PRR16: variants seen among roughly 807,000 people sequenced by gnomAD.
PRR16 encodes the protein protein Largen.
In PRR16, 6 loss-of-function variants were observed where a neutral mutation model predicts 18.2. The ratio of observed to expected loss-of-function variants is 0.33; its 90% confidence interval spans 0.18 to 0.65. PRR16 has a LOEUF of 0.65. Ranked by LOEUF, PRR16 falls within the 30% of genes least tolerant of loss-of-function variation. The pLI is 0.74. For missense variants in PRR16, 412 were observed against 376.6 expected, an observed-to-expected ratio of 1.09 and a Z score of -0.78; for synonymous variants, 151 against 147.8, an observed-to-expected ratio of 1.02 and a Z score of -0.16.
intron 1 of PRR16, among the ~76,000 whole-genome samples, chr5:120,515,916 G>C (rs1750974174): frequency 6.6e-6 from 1 of 152,100 alleles, no homozygotes; most frequent in Admixed American, 6.5e-5. Context: ...CTTTCTTCAA[G>C]AATCTCTTGT....
intron 1 of PRR16, among the ~76,000 whole-genome samples, chr5:120,496,658 C>T (rs974777652): frequency 6.6e-6 from 1 of 151,448 alleles, no homozygotes; most frequent in Non-Finnish European, 1.5e-5. Context: ...AAAAAGGGCT[C>T]TATATTTGAT....
intron 1 of PRR16, among the ~76,000 whole-genome samples, chr5:120,491,190 G>T (rs966338728): frequency 6.6e-6 from 1 of 152,102 alleles, no homozygotes; most frequent in Admixed American, 6.6e-5. Context: ...GTCAGACAGG[G>T]ACATTTCTAG....
At chr5:120,488,283 T>A (rs546498373) in intron 1 of PRR16, among the ~76,000 whole-genome samples, 1 of 152,204 alleles carries the variant, frequency 6.6e-6, no homozygotes, top group South Asian at 2.1e-4. Context: ...GGTCTTAGAC[T>A]TTTTTTGGTT....
intron 1 of PRR16, among the ~76,000 whole-genome samples, chr5:120,625,044 T>C (rs903782730): frequency 2.0e-5 from 3 of 152,204 alleles, no homozygotes; most frequent in African/African-American, 7.2e-5. Flanking sequence ...CCTCTTTCCA[T>C]TATAAATTGC....
intron 1 of PRR16, among the ~76,000 whole-genome samples, chr5:120,600,370 G>A: frequency 6.6e-6 from 1 of 151,634 alleles, no homozygotes; most frequent in East Asian, 1.9e-4. Context: ...CTTTCTCAAG[G>A]TGTTTTTAGT....
At chr5:120,711,631 C>T in the PRR16 span, among the ~76,000 whole-genome samples, 1 of 152,154 alleles carries the variant, frequency 6.6e-6, no homozygotes, top group Non-Finnish European at 1.5e-5. Context: ...ATACATCTCT[C>T]TTGGATTGGA....
At chr5:120,669,483 TAG>T (rs1385622429) in intron 1 of PRR16, among the ~76,000 whole-genome samples, 1 of 152,084 alleles carries the variant, frequency 6.6e-6, no homozygotes, top group Non-Finnish European at 1.5e-5. Context: ...AATGTGTTAT[TAG>T]AATAGGTAGA....
At chr5:120,597,833 C>A (rs1343987452) in intron 1 of PRR16, among the ~76,000 whole-genome samples, 2 of 151,782 alleles carry the variant, frequency 1.3e-5, no homozygotes, top group East Asian at 3.8e-4. Flanking sequence ...TCTCCCTTTG[C>A]CTTTTCATTT....
chr5:120,671,808 G>A (rs1009210097), intron 1 of PRR16, among the ~76,000 whole-genome samples: 1 of 152,004 alleles, frequency 6.6e-6, no homozygotes, highest in African/African-American at 2.4e-5. Context: ...AAATATGTGT[G>A]TGTACATATA....
At chr5:120,699,072 T>C in the PRR16 span, among the ~76,000 whole-genome samples, 3 of 152,092 alleles carry the variant, frequency 2.0e-5, no homozygotes. Flanking sequence ...TTTAGTTCCC[T>C]GACTCGGGAC....
At chr5:120,754,050 T>C in the PRR16 span, among the ~76,000 whole-genome samples, 1,496 of 127,172 alleles carry the variant, frequency 0.012, 41 homozygotes, top group African/African-American at 0.042. Context: ...ATCGTATTCA[T>C]CTGCTGAGGA....
chr5:120,673,937 G>C (rs1329185684), intron 1 of PRR16, among the ~76,000 whole-genome samples: 2 of 137,662 alleles, frequency 1.5e-5, no homozygotes, highest in Admixed American at 1.5e-4. Context: ...CCTGGCGACA[G>C]AGTGAGACCC....
chr5:120,591,961 A>G (rs938399612), intron 1 of PRR16, among the ~76,000 whole-genome samples: 2 of 152,116 alleles, frequency 1.3e-5, no homozygotes, highest in East Asian at 1.9e-4. Context: ...TTGTGTCCCT[A>G]TTTGATATGT....
At chr5:120,484,400 TAAG>T in intron 1 of PRR16, among the ~76,000 whole-genome samples, 1 of 145,912 alleles carries the variant, frequency 6.9e-6, no homozygotes, top group East Asian at 2.0e-4. Flanking sequence ...TTATAATATA[TAAG>T]AATATATACC....
intron 1 of PRR16, among the ~76,000 whole-genome samples, chr5:120,546,585 G>A (rs1752080920): frequency 6.6e-6 from 1 of 152,140 alleles, no homozygotes; most frequent in South Asian, 2.1e-4. Context: ...TGAGGAGACA[G>A]GTATCATGAT....
chr5:120,552,117 A>C (rs1752272333), intron 1 of PRR16, among the ~76,000 whole-genome samples: 1 of 151,978 alleles, frequency 6.6e-6, no homozygotes, highest in African/African-American at 2.4e-5. Flanking sequence ...CAGGCTATAC[A>C]ATGAGTGAAC....
the PRR16 span, among the ~76,000 whole-genome samples, chr5:120,754,394 T>C: frequency 6.7e-5 from 2 of 30,004 alleles, 1 homozygote; most frequent in African/African-American, 3.5e-4. Context: ...ATATTATATG[T>C]TATATATTAT....
the PRR16 span, among the ~76,000 whole-genome samples, chr5:120,752,972 A>G: frequency 6.8e-5 from 1 of 14,806 alleles, no homozygotes; most frequent in African/African-American, 1.3e-4. Context: ...AAGATAAATT[A>G]GGATAATATT....
At chr5:120,544,228 G>A (rs1752004097) in intron 1 of PRR16, among the ~76,000 whole-genome samples, 1 of 152,156 alleles carries the variant, frequency 6.6e-6, no homozygotes, top group African/African-American at 2.4e-5. Context: ...GCTAGGGACT[G>A]TAGCCCAGAG....
Sources: gnomAD v4.1 joint callset for allele counts (sites outside exome capture counted in the v4.1 genomes callset) on GRCh38, gnomAD v4.1.1 for gene constraint, MANE v1.5 for transcripts, NCBI Gene and HGNC (gene_info 2026-07-23, HGNC 2026-07-21) for gene names.